The following RYR3 variants were observed in gnomAD, a reference collection of about 807,000 sequenced individuals.
RYR3 encodes brain ryanodine receptor-calcium release channel.
Under a neutral mutation model 584.3 loss-of-function variants are expected in RYR3, and 207 were observed. The ratio of observed to expected loss-of-function variants is 0.35; its 90% confidence interval spans 0.32 to 0.40. The LOEUF (loss-of-function observed/expected upper bound fraction) is 0.40, where lower values mean the gene tolerates loss of function less well. Among genes scored for constraint, RYR3 ranks in the 10% least tolerant of loss-of-function variants. RYR3 has a pLI of 1.00. For synonymous variants in RYR3, 2,416 were observed against 2,248.5 expected (o/e 1.07, Z -2.11); for missense variants, 5,616 against 6,089.2 (o/e 0.92, Z 2.59).
intron 1 of RYR3, among the ~76,000 whole-genome samples, chr15:33,347,070 A>G (rs1226732119): frequency 6.6e-6 from 1 of 152,170 alleles, no homozygotes; most frequent in Non-Finnish European, 1.5e-5. Context: ...TCATCATGTC[A>G]TATCATGGGT....
chr15:33,447,303 G>A (rs976370606), intron 1 of RYR3, among the ~76,000 whole-genome samples: 1 of 152,168 alleles, frequency 6.6e-6, no homozygotes, highest in African/African-American at 2.4e-5. Flanking sequence ...CATTCAGCCA[G>A]TAGCCATTAG....
At chr15:33,349,742 CCCT>C (rs2140915958) in intron 1 of RYR3, among the ~76,000 whole-genome samples, 1 of 105,304 alleles carries the variant, frequency 9.5e-6, no homozygotes, top group African/African-American at 4.0e-5. Flanking sequence ...TATCCCTCCC[CCCT>C]CCCCCCACCC....
intron 69 of RYR3, among the ~76,000 whole-genome samples, chr15:33,804,392 G>A (rs530796148): frequency 1.6e-4 from 24 of 152,308 alleles, no homozygotes; most frequent in African/African-American, 5.8e-4. Flanking sequence ...TAGACCAGAA[G>A]GCGAAAGGAA....
chr15:33,339,452 G>A (rs1449613569), intron 1 of RYR3, among the ~76,000 whole-genome samples: 2 of 152,218 alleles, frequency 1.3e-5, no homozygotes, highest in Non-Finnish European at 2.9e-5. Flanking sequence ...TAGCCAGGAT[G>A]AAGAAGAGGG....
chr15:33,546,558 C>T (rs780145524), intron 8 of RYR3, among the ~76,000 whole-genome samples: 17 of 152,248 alleles, frequency 1.1e-4, no homozygotes, highest in Middle Eastern at 3.4e-3. Flanking sequence ...TCATTGATTG[C>T]TGTATGATTA....
intron 63 of RYR3, 48 bp downstream of exon 63, chr15:33,772,206 G>T (rs948334875): frequency 1.6e-6 from 2 of 1,244,054 alleles, no homozygotes; most frequent in African/African-American, 1.5e-5. Context: ...CATGGCCCCA[G>T]ATAGGAGGTG....
intron 2 of RYR3, among the ~76,000 whole-genome samples, chr15:33,490,028 C>T (rs2050837134): frequency 6.6e-6 from 1 of 152,130 alleles, no homozygotes; most frequent in Non-Finnish European, 1.5e-5. Context: ...CTTTTTTATT[C>T]TTAACTTCCT....
intron 47 of RYR3, among the ~76,000 whole-genome samples, chr15:33,730,324 CCAT>C (rs10581523): frequency 0.18 from 27,177 of 152,096 alleles, 2,590 homozygotes; most frequent in South Asian, 0.27. Context: ...TGTCCAAACA[CCAT>C]CTACAACAAA....
At chr15:33,691,859 G>A (rs778423960) in intron 38 of RYR3, among the ~76,000 whole-genome samples, 4 of 152,206 alleles carry the variant, frequency 2.6e-5, no homozygotes, top group East Asian at 1.9e-4. Context: ...CTGCTAACTC[G>A]ATTCAAGCTA....
At position 33,670,405 on chromosome 15, in the gene RYR3, C is replaced by T. The variant is rs1299320513; in HGVS notation, c.5723-14C>T. 2.5e-6 allele frequency: 4 copies of T among 1,612,166 alleles called. No homozygotes were observed. In the African/African-American group the frequency reaches 5.3e-5, roughly 22 times the overall value. On this transcript the variant is annotated splice_polypyrimidine_tract_variant and intron_variant, in intron 37 of 103. Transcript: ENST00000634891. ...CACTGCTTTGGATTTTCACCCTGTT[C>T]TGTGGCTTGCTAGGGGTTCCTTTGG...
chr15:33,586,161 TC>T, intron 16 of RYR3, 45 bp downstream of exon 16: 2 of 1,073,534 alleles, frequency 1.9e-6, no homozygotes, highest in Non-Finnish European at 1.5e-6. Flanking sequence ...GGTGTTTCCC[TC>T]CCCAATGTTC....
In RYR3 at chr15:33,731,344, G is replaced by A. The variant is rs953474429; in HGVS notation, c.7204-130G>A. 2.1e-5 allele frequency: 13 copies of A among 606,742 alleles called. No homozygotes were observed. In the African/African-American group the frequency reaches 2.2e-4, roughly 10 times the overall value. The allele number at this position is 606,742 out of a possible 1,614,324, so 37.6% of individuals were successfully genotyped here. A position where few individuals can be genotyped will look rare whatever the true frequency, so the allele number is the denominator to read the frequency against. On this transcript the variant is annotated intron_variant, in intron 47 of 103. Transcript: ENST00000634891. ...AGAACTGCCGATAAGGTAGAAAGTTGTTCACTGCCTTGCTATGCAACGTGG... is the reference window on the plus strand; with the variant it reads ...AGAACTGCCGATAAGGTAGAAAGTTATTCACTGCCTTGCTATGCAACGTGG...
Position 33,314,070 on chromosome 15 carries a change from G to C in RYR3, c.51+2974G>C, listed in dbSNP as rs74005169. Among the ~76,000 whole-genome samples the C allele has an allele frequency of 6.4e-3, 976 of 152,254 alleles. 11 individuals are homozygous for C. Among genetic ancestry groups the C allele is most frequent in the African/African-American group, 0.022 (926 of 41,534 alleles). ...GGAAGCCCACCCTCTCCTAAGTAGG[G>C]AACAAGACCTAAACAAGGGCTTTGG... On this transcript the variant is annotated intron_variant, in intron 1 of 103. Transcript: ENST00000634891.
At chr15:33,791,993 T>A (rs1477114429) in intron 67 of RYR3, among the ~76,000 whole-genome samples, 3 of 151,982 alleles carry the variant, frequency 2.0e-5, no homozygotes, top group African/African-American at 7.2e-5. Context: ...GTAATGACCA[T>A]GGGATTGCAT....
chr15:33,717,168 A>T (rs968027309), intron 43 of RYR3, among the ~76,000 whole-genome samples: 1 of 152,170 alleles, frequency 6.6e-6, no homozygotes, highest in African/African-American at 2.4e-5. Context: ...GCATGGTTTC[A>T]TGGCTTTGAA....
At chr15:33,492,299 C>A (rs762763050) in intron 2 of RYR3, among the ~76,000 whole-genome samples, 1 of 152,032 alleles carries the variant, frequency 6.6e-6, no homozygotes, top group Non-Finnish European at 1.5e-5. Context: ...TGGAGAGATA[C>A]AAGAACTTTT....
intron 1 of RYR3, among the ~76,000 whole-genome samples, chr15:33,319,015 A>G (rs911992774): frequency 5.3e-5 from 8 of 152,322 alleles, no homozygotes; most frequent in African/African-American, 1.9e-4. Flanking sequence ...CTTATCCCCT[A>G]ACAGAGCAAA....
At chr15:33,492,646 A>C (rs1412998697) in intron 2 of RYR3, among the ~76,000 whole-genome samples, 1 of 152,176 alleles carries the variant, frequency 6.6e-6, no homozygotes, top group East Asian at 1.9e-4. Flanking sequence ...TCCTGGGTCC[A>C]TGAACTGCAT....
chr15:33,688,572 CAAAA>C (rs34312921), intron 38 of RYR3, among the ~76,000 whole-genome samples: 23 of 63,638 alleles, frequency 3.6e-4, no homozygotes, highest in African/African-American at 9.7e-4. Flanking sequence ...GACTCCATCT[CAAAA>C]AAAAAAAAAA....
Sources: allele counts gnomAD v4.1 joint callset (sites outside exome capture counted in the v4.1 genomes callset), GRCh38; gene constraint gnomAD v4.1.1; transcripts MANE v1.5; gene names NCBI Gene and HGNC (gene_info 2026-07-23, HGNC 2026-07-21).